Variants in COG5 observed in about 807,000 individuals in gnomAD.
The protein encoded by COG5 is component of oligomeric golgi complex 5.
Under a neutral mutation model 110.4 loss-of-function variants are expected in COG5, and 86 were observed. That is an observed-to-expected ratio of 0.78 (90% CI 0.65 to 0.93). The LOEUF is 0.93. Among genes scored for constraint, COG5 ranks in the 40% least tolerant of loss-of-function variants. The pLI, the probability that COG5 is intolerant of heterozygous loss-of-function variation, is 0.00. For synonymous variants in COG5, 360 were observed against 334.6 expected, an observed-to-expected ratio of 1.08 and a Z score of -0.83; for missense variants, 1,077 against 987.0, an observed-to-expected ratio of 1.09 and a Z score of -1.22.
intron 8 of COG5, among the ~76,000 whole-genome samples, chr7:107,365,596 C>CAAAAAAAAAAAAAAAA (rs71134263): frequency 2.7e-4 from 10 of 36,702 alleles, no homozygotes; most frequent in Non-Finnish European, 4.0e-4. Flanking sequence ...TGCAAAATGA[C>CAAAAAAAAAAAAAAAA]AAAAAAAAAA....
intron 7 of COG5, among the ~76,000 whole-genome samples, chr7:107,395,541 C>CTTTTTTTTTTTT (rs67581814): frequency 2.0e-5 from 1 of 50,038 alleles, no homozygotes; most frequent in African/African-American, 9.6e-5. Flanking sequence ...TGAAGCAGAT[C>CTTTTTTTTTTTT]TTTTTTTTTT....
chr7:107,459,975 C>T (rs1017345028), intron 6 of COG5, among the ~76,000 whole-genome samples: 10 of 152,058 alleles, frequency 6.6e-5, no homozygotes, highest in Non-Finnish European at 1.5e-4. Context: ...AGATTATATA[C>T]TGAGCCATTA....
At chr7:107,247,158 A>G (rs543153871) in intron 17 of COG5, among the ~76,000 whole-genome samples, 1 of 152,190 alleles carries the variant, frequency 6.6e-6, no homozygotes, top group Non-Finnish European at 1.5e-5. Context: ...TATAAGTGGG[A>G]TCTAAATAAT....
chr7:107,235,571 C>A (rs551084396), intron 18 of COG5, among the ~76,000 whole-genome samples: 3 of 152,112 alleles, frequency 2.0e-5, no homozygotes, highest in African/African-American at 7.2e-5. Context: ...GGCGTGGTGG[C>A]GCGTGCCTGT....
chr7:107,310,386 G>C (rs1453758316), intron 11 of COG5, among the ~76,000 whole-genome samples: 1 of 152,218 alleles, frequency 6.6e-6, no homozygotes, highest in Non-Finnish European at 1.5e-5. Flanking sequence ...GGGCAAATTA[G>C]AGAAGCAATG....
intron 18 of COG5, among the ~76,000 whole-genome samples, chr7:107,232,644 T>C (rs1335638990): frequency 6.6e-6 from 1 of 152,184 alleles, no homozygotes; most frequent in Non-Finnish European, 1.5e-5. Context: ...CGCAGGACAA[T>C]TTCAAAATGT....
intron 10 of COG5, among the ~76,000 whole-genome samples, chr7:107,342,150 TC>T (rs1811214705): frequency 6.6e-6 from 1 of 151,990 alleles, no homozygotes; most frequent in South Asian, 2.1e-4. Context: ...ATATCCAGAA[TC>T]TGTAAGGAAC....
chr7:107,515,237 G>A (rs771413190), intron 6 of COG5, among the ~76,000 whole-genome samples: 5 of 151,816 alleles, frequency 3.3e-5, no homozygotes, highest in Admixed American at 1.3e-4. Context: ...ATACTAAATA[G>A]CTACCTAGAA....
chr7:107,209,508 G>A (rs755974352), intron 21 of COG5: 19 of 156,092 alleles, frequency 1.2e-4, no homozygotes, highest in Middle Eastern at 3.4e-3. Flanking sequence ...TATAGAAGGG[G>A]CACTAGAGGC....
intron 1 of COG5, among the ~76,000 whole-genome samples, chr7:107,559,281 G>A (rs1447165417): frequency 6.6e-6 from 1 of 152,128 alleles, no homozygotes; most frequent in African/African-American, 2.4e-5. Context: ...ATATGTGGAT[G>A]AAAGAAAAAT....
chr7:107,299,588 C>T (rs1807059790), intron 11 of COG5, among the ~76,000 whole-genome samples: 1 of 151,730 alleles, frequency 6.6e-6, no homozygotes, highest in Admixed American at 6.6e-5. Flanking sequence ...TGAATTTTAT[C>T]AAGCAATTTA....
rs58281094 is a variant in COG5 at position 107,529,024 on chromosome 7, T to TAA, written c.418-1669_418-1668dup. ...GAGAAACTAATCTGAAATACTTAAA[T>TAA]AAAAAAAAAAAAAAAGGAATGCCAA... On this transcript the variant is annotated intron_variant, in intron 5 of 21. Transcript: ENST00000297135. 3.0e-4 allele frequency among the ~76,000 whole-genome samples: 29 copies of TAA among 97,846 alleles called. 1 individual carries two copies. The highest frequency in any genetic ancestry group is 9.0e-4 in the African/African-American group (18 of 20,076). 64.2% of individuals were successfully genotyped at this position (97,846 alleles called of 152,430 possible).
chr7:107,325,816 C>T (rs1051123465), intron 10 of COG5, among the ~76,000 whole-genome samples: 1 of 152,144 alleles, frequency 6.6e-6, no homozygotes, highest in Admixed American at 6.5e-5. Context: ...TGTACACTTC[C>T]ATTTTCATTA....
At chr7:107,223,319 G>T (rs894655977) in intron 19 of COG5, among the ~76,000 whole-genome samples, 1 of 152,190 alleles carries the variant, frequency 6.6e-6, no homozygotes, top group African/African-American at 2.4e-5. Context: ...GCATTTCTAT[G>T]GAGATTCTTT....
chr7:107,208,982 A>C, intron 21 of COG5: 2 of 974,824 alleles, frequency 2.1e-6, no homozygotes, highest in South Asian at 4.7e-5. Context: ...TCCTGATAGC[A>C]GGCCTACCCT....
intron 19 of COG5, among the ~76,000 whole-genome samples, chr7:107,226,561 A>G (rs1260327365): frequency 6.6e-6 from 1 of 152,208 alleles, no homozygotes; most frequent in Non-Finnish European, 1.5e-5. Flanking sequence ...AGCTTTCTCA[A>G]GTCAATTCTC....
At chr7:107,277,968 T>C (rs1268898549) in intron 14 of COG5, among the ~76,000 whole-genome samples, 2 of 152,146 alleles carry the variant, frequency 1.3e-5, no homozygotes, top group Non-Finnish European at 2.9e-5. Context: ...CCCCAGAATA[T>C]TAAAAATCAG....
intron 6 of COG5, among the ~76,000 whole-genome samples, chr7:107,515,744 C>A (rs1474511062): frequency 6.6e-6 from 1 of 152,170 alleles, no homozygotes; most frequent in African/African-American, 2.4e-5. Context: ...GCCTCTTTTT[C>A]ATTATCTTTT....
At chr7:107,235,977 A>G (rs1312217874) in intron 18 of COG5, among the ~76,000 whole-genome samples, 1 of 152,208 alleles carries the variant, frequency 6.6e-6, no homozygotes, top group Non-Finnish European at 1.5e-5. Flanking sequence ...TAGAGAGAGA[A>G]CAAATAATCA....
Sources: gnomAD v4.1 joint callset for allele counts (sites outside exome capture counted in the v4.1 genomes callset) on GRCh38, gnomAD v4.1.1 for gene constraint, MANE v1.5 for transcripts, NCBI Gene and HGNC (gene_info 2026-07-23, HGNC 2026-07-21) for gene names.